ADAMTS14: variants seen among roughly 807,000 people sequenced by gnomAD.
ADAMTS14 encodes the protein ADAM metallopeptidase with thrombospondin type 1 motif 14.
Under a neutral mutation model 128.6 loss-of-function variants are expected in ADAMTS14, and 100 were observed. The observed-to-expected ratio is 0.78, with a 90% CI of 0.66 to 0.92. ADAMTS14 has a LOEUF of 0.92. ADAMTS14 is among the 40% of genes least tolerant of loss of function. The probability of loss-of-function intolerance (pLI) is 0.00; values close to 1 mark genes in which losing one functional copy is unlikely to be tolerated. For missense variants in ADAMTS14, 1,562 were observed against 1,658.6 expected (o/e 0.94, Z 1.01); for synonymous variants, 665 against 653.8 (o/e 1.02, Z -0.26).
intron 21 of ADAMTS14, among the ~76,000 whole-genome samples, 176 bp from the exon 22 acceptor site, chr10:70,760,184 G>A (rs1425261051): frequency 1.3e-5 from 2 of 152,152 alleles, no homozygotes; most frequent in Admixed American, 6.5e-5. Context: ...TGTAGTCAGG[G>A]CTGACTCTCC....
intron 2 of ADAMTS14, among the ~76,000 whole-genome samples, chr10:70,701,830 T>C (rs535440930): frequency 1.3e-5 from 2 of 152,290 alleles, no homozygotes; most frequent in African/African-American, 4.8e-5. Flanking sequence ...GCGCTTCATA[T>C]TGGAGTGGGG....
At chr10:70,733,749 G>A in intron 7 of ADAMTS14, 136 bp from the exon 8 acceptor site, 2 of 1,137,742 alleles carry the variant, frequency 1.8e-6, no homozygotes, top group South Asian at 1.7e-5. Context: ...CTACGTGGTT[G>A]GAAAACTGAG....
intron 15 of ADAMTS14, among the ~76,000 whole-genome samples, chr10:70,746,906 G>A (rs1010615786): frequency 2.0e-5 from 3 of 152,086 alleles, no homozygotes; most frequent in Admixed American, 6.5e-5. Context: ...AGACCCCTTT[G>A]CAGAGGACGT....
At chr10:70,735,862 A>G (rs747013116) in intron 9 of ADAMTS14, among the ~76,000 whole-genome samples, 2 of 152,188 alleles carry the variant, frequency 1.3e-5, no homozygotes, top group Admixed American at 6.5e-5. Flanking sequence ...GCTGCCACCC[A>G]GGGCCCAGGC....
chr10:70,743,808 G>A, intron 13 of ADAMTS14, 127 bp downstream of exon 13: 4 of 1,363,822 alleles, frequency 2.9e-6, no homozygotes, highest in South Asian at 1.5e-5. Flanking sequence ...TTGGTCCTCA[G>A]CATAGCCCTG....
intron 2 of ADAMTS14, among the ~76,000 whole-genome samples, chr10:70,701,463 G>A (rs147076468): frequency 1.0e-3 from 159 of 152,308 alleles, no homozygotes; most frequent in South Asian, 4.8e-3. Context: ...GCTGCTCTTG[G>A]TACTTTGTAG....
chr10:70,741,961 C>T (rs1405855320), intron 12 of ADAMTS14, among the ~76,000 whole-genome samples: 1 of 152,184 alleles, frequency 6.6e-6, no homozygotes, highest in Non-Finnish European at 1.5e-5. Flanking sequence ...GATGCTCATT[C>T]TCCATCACAC....
chr10:70,727,780 A>G (rs376065720), intron 4 of ADAMTS14, among the ~76,000 whole-genome samples: 5 of 152,186 alleles, frequency 3.3e-5, no homozygotes, highest in African/African-American at 1.2e-4. Flanking sequence ...GGGTCTCACT[A>G]TGTTGCCCAG....
intron 6 of ADAMTS14, among the ~76,000 whole-genome samples, chr10:70,731,246 C>T (rs901731062): frequency 6.6e-6 from 1 of 150,400 alleles, no homozygotes; most frequent in Admixed American, 6.6e-5. Context: ...GACACAAAGA[C>T]ACATGTACAT....
intron 15 of ADAMTS14, among the ~76,000 whole-genome samples, chr10:70,749,134 T>G (rs1419278745): frequency 6.6e-6 from 1 of 152,218 alleles, no homozygotes. Flanking sequence ...GTGTGGCATC[T>G]GCAATCACAG....
chr10:70,753,758 G>T (rs1256147661), intron 18 of ADAMTS14, 42 bp from the exon 19 acceptor site: 2 of 1,496,868 alleles, frequency 1.3e-6, no homozygotes, highest in Admixed American at 4.3e-5. Flanking sequence ...GGGATGAAGT[G>T]CCCCCTTGGT....
intron 4 of ADAMTS14, among the ~76,000 whole-genome samples, chr10:70,721,470 C>G (rs1841262563): frequency 6.6e-6 from 1 of 151,934 alleles, no homozygotes; most frequent in Admixed American, 6.6e-5. Flanking sequence ...ACTGCAAGCT[C>G]TGCCTCCCAG....
At chr10:70,735,401 C>T in intron 9 of ADAMTS14, 100 bp downstream of exon 9, 1 of 1,479,496 alleles carries the variant, frequency 6.8e-7, no homozygotes, top group Non-Finnish European at 9.0e-7. Context: ...GCCCAGCTGG[C>T]CAGTGGGCCT....
At position 70,760,733 on chromosome 10, in the gene ADAMTS14, C is replaced by G. The variant is rs150968185; in HGVS notation, c.3552C>G (p.Pro1184=). ...CCTGGAGCATCTCCCCTACCACCCC[C>G]GGGGGGCTGCCTTGGGGCTGGACTC... The part of the protein sequence containing the change: ...GASWSISPTT[P]GGLPWGWTQT... The change falls in exon 22 of 22, where the codon CCC becomes CCG. Residue 1184 remains proline (P), a synonymous_variant. Coordinates refer to ENST00000373207, the MANE Select transcript of ADAMTS14 (RefSeq NM_080722.4). The G allele has an allele frequency of 1.2e-6, 2 of 1,614,036 alleles. No individual in the cohort carries two copies.
At chr10:70,691,222 G>A (rs1308722695) in intron 2 of ADAMTS14, among the ~76,000 whole-genome samples, 2 of 144,010 alleles carry the variant, frequency 1.4e-5, no homozygotes, top group South Asian at 2.2e-4. Flanking sequence ...GGCTGGGCAC[G>A]GTGGCTCACA....
At position 70,752,205 on chromosome 10, in the gene ADAMTS14, C is replaced by T; in HGVS notation, c.2707C>T (p.Gln903Ter). The T allele has an allele frequency of 1.9e-6, 3 of 1,613,778 alleles. No individual in the cohort carries two copies. The highest frequency in any genetic ancestry group is 2.5e-6 in the Non-Finnish European group (3 of 1,179,960). The change falls in exon 18 of 22, where the codon CAG becomes TAG. Residue 903 changes from glutamine (Q) to a stop codon, truncating the protein, a stop_gained. Transcript: ENST00000373207. LOFTEE classifies it high-confidence loss of function. ...CAAGCCCATCCGCCGGCGCTGCAACCAGCACCCGTGCTCTCAGCCTGTGTG... is the reference window on the plus strand; with the variant it reads ...CAAGCCCATCCGCCGGCGCTGCAACTAGCACCCGTGCTCTCAGCCTGTGTG... Reference protein sequence around the residue: ...RPKPIRRRCNQHPCSQPVWVT... With the variant: ...RPKPIRRRCN
At chr10:70,717,475 G>T (rs1486477690) in intron 4 of ADAMTS14, among the ~76,000 whole-genome samples, 1 of 152,168 alleles carries the variant, frequency 6.6e-6, no homozygotes, top group Non-Finnish European at 1.5e-5. Flanking sequence ...CTGGCATCTA[G>T]GTGTGGCGGG....
At chr10:70,691,523 A>G (rs1589268273) in intron 2 of ADAMTS14, among the ~76,000 whole-genome samples, 2 of 147,556 alleles carry the variant, frequency 1.4e-5, no homozygotes, top group African/African-American at 4.9e-5. Context: ...AGAAAAAAAC[A>G]AAACTTCAAG....
intron 4 of ADAMTS14, among the ~76,000 whole-genome samples, chr10:70,728,310 C>A (rs1841509395): frequency 6.6e-6 from 1 of 152,182 alleles, no homozygotes; most frequent in South Asian, 2.1e-4. Context: ...ACACACGTGG[C>A]ATGATGCAGG....
Sources: allele counts gnomAD v4.1 joint callset (sites outside exome capture counted in the v4.1 genomes callset), GRCh38; gene constraint gnomAD v4.1.1; transcripts MANE v1.5; gene names NCBI Gene and HGNC (gene_info 2026-07-23, HGNC 2026-07-21).